Variants in AP3B1 observed in about 807,000 individuals in gnomAD.
AP3B1 encodes the protein adaptor related protein complex 3 subunit beta 1, also known as AP-3 complex subunit beta-1.
A neutral mutation model predicts 132.5 loss-of-function variants in AP3B1; 61 were observed. The ratio of observed to expected loss-of-function variants is 0.46; its 90% CI spans 0.37 to 0.57. The LOEUF is 0.57. Among genes scored for constraint, AP3B1 ranks in the 20% least tolerant of loss-of-function variants. The pLI is 0.00. For synonymous variants in AP3B1, 388 were observed against 438.3 expected (o/e 0.89, Z 1.43); for missense variants, 1,120 against 1,289.4 (o/e 0.87, Z 2.01).
At chr5:78,006,946 T>TA (rs914635102) in intron 26 of AP3B1, among the ~76,000 whole-genome samples, 1 of 151,890 alleles carries the variant, frequency 6.6e-6, no homozygotes, top group African/African-American at 2.4e-5. Context: ...CAAAGCTAAA[T>TA]AAAAAAAAGT....
intron 17 of AP3B1, among the ~76,000 whole-genome samples, chr5:78,122,737 G>A (rs1443999434): frequency 6.6e-6 from 1 of 152,164 alleles, no homozygotes; most frequent in Non-Finnish European, 1.5e-5. Flanking sequence ...CTCATGGGTA[G>A]GAAGAATCAA....
intron 22 of AP3B1, among the ~76,000 whole-genome samples, chr5:78,079,486 T>C (rs1182604740): frequency 3.3e-5 from 5 of 152,142 alleles, no homozygotes; most frequent in Admixed American, 2.6e-4. Flanking sequence ...AGTTCATTAA[T>C]TAAATAATTC....
chr5:78,269,139 T>C (rs10474536), intron 1 of AP3B1, among the ~76,000 whole-genome samples: 36,278 of 152,158 alleles, frequency 0.24, 5,160 homozygotes, highest in Non-Finnish European at 0.32. Context: ...TACTATTTTG[T>C]TAAATATCAA....
chr5:78,149,561 A>G (rs115349714), intron 14 of AP3B1, among the ~76,000 whole-genome samples: 271 of 152,306 alleles, frequency 1.8e-3, no homozygotes, highest in African/African-American at 6.0e-3. Flanking sequence ...TATTCCCTTA[A>G]TAACAGCTTA....
chr5:78,171,223 T>G (rs1466429235), intron 11 of AP3B1, among the ~76,000 whole-genome samples: 1 of 152,212 alleles, frequency 6.6e-6, no homozygotes, highest in Non-Finnish European at 1.5e-5. Context: ...GTGAGCTTTT[T>G]TTTGGTTCCA....
intron 17 of AP3B1, among the ~76,000 whole-genome samples, chr5:78,122,643 T>G (rs953970884): frequency 6.6e-6 from 1 of 152,222 alleles, no homozygotes; most frequent in East Asian, 1.9e-4. Context: ...TTACAAGGGA[T>G]GGGAAGGACC....
intron 11 of AP3B1, among the ~76,000 whole-genome samples, chr5:78,174,621 A>G (rs928813844): frequency 2.0e-5 from 3 of 152,162 alleles, no homozygotes; most frequent in Non-Finnish European, 4.4e-5. Flanking sequence ...GCAACCACCT[A>G]TATGAGGTGT....
At chr5:78,043,532 C>T in intron 22 of AP3B1, 1 of 397,582 alleles carries the variant, frequency 2.5e-6, no homozygotes, top group Non-Finnish European at 5.0e-6. Flanking sequence ...AGGCTATGAA[C>T]TGTAAGTGCT....
At chr5:78,125,646 T>C (rs939447012) in intron 17 of AP3B1, among the ~76,000 whole-genome samples, 11 of 152,198 alleles carry the variant, frequency 7.2e-5, no homozygotes, top group Non-Finnish European at 8.8e-5. Context: ...CAGAGTCCAA[T>C]AGACTGAAGC....
At position 78,193,936 on chromosome 5, in the gene AP3B1, T is replaced by C. The variant is rs1233441421; in HGVS notation, c.787-12274A>G. ...CACCCGGCTAATTTTTTCAGCTAAT[T>C]TTTTGTATTTTTAGTAGAGACGGGG... On this transcript the variant is annotated intron_variant, in intron 7 of 26. Coordinates refer to ENST00000255194, the MANE Select transcript of AP3B1 (RefSeq NM_003664.5). Among the ~76,000 whole-genome samples, 5 of 150,930 alleles carry C rather than the reference T, an allele frequency of 3.3e-5. No homozygotes were observed. In the Admixed American group the frequency reaches 3.3e-4, roughly 10 times the overall value.
chr5:78,174,707 T>A (rs576697252), intron 11 of AP3B1, among the ~76,000 whole-genome samples: 2 of 152,362 alleles, frequency 1.3e-5, no homozygotes, highest in African/African-American at 4.8e-5. Flanking sequence ...AGGCCATCTG[T>A]CTGTTCTCAG....
chr5:78,193,770 A>ATATTTTTTTTTTTTT, intron 7 of AP3B1, among the ~76,000 whole-genome samples: 25 of 67,204 alleles, frequency 3.7e-4, no homozygotes, highest in South Asian at 2.9e-3. Flanking sequence ...ATATATATAT[A>ATATTTTTTTTTTTTT]TTTTTTTTTT....
chr5:78,189,805 G>C (rs1744751835), intron 7 of AP3B1, among the ~76,000 whole-genome samples: 1 of 151,452 alleles, frequency 6.6e-6, no homozygotes, highest in Non-Finnish European at 1.5e-5. Flanking sequence ...GGGACACAGA[G>C]GTTGCAGTGA....
chr5:78,017,742 A>G (rs1746917182), intron 25 of AP3B1, among the ~76,000 whole-genome samples: 1 of 152,104 alleles, frequency 6.6e-6, no homozygotes, highest in Admixed American at 6.5e-5. Context: ...TTCCTCCTAA[A>G]AAATAATACT....
At chr5:78,020,977 T>C (rs541639415) in intron 24 of AP3B1, among the ~76,000 whole-genome samples, 188 bp from the exon 25 acceptor site, 12 of 152,064 alleles carry the variant, frequency 7.9e-5, no homozygotes, top group Non-Finnish European at 1.3e-4. Context: ...GAAAAATACA[T>C]CTGTTATCTC....
intron 2 of AP3B1, among the ~76,000 whole-genome samples, chr5:78,257,579 A>C (rs1042178841): frequency 2.0e-5 from 3 of 152,232 alleles, no homozygotes; most frequent in African/African-American, 7.2e-5. Context: ...CAATATTGTT[A>C]AAATGTCCCT....
chr5:78,150,387 T>G (rs777909051), intron 14 of AP3B1, among the ~76,000 whole-genome samples: 1 of 152,174 alleles, frequency 6.6e-6, no homozygotes, highest in Non-Finnish European at 1.5e-5. Context: ...CAGAAAAGTA[T>G]CCACTGGATT....
chr5:78,060,303 G>A (rs1289715271), intron 22 of AP3B1, among the ~76,000 whole-genome samples: 1 of 152,106 alleles, frequency 6.6e-6, no homozygotes, highest in Middle Eastern at 3.2e-3. Flanking sequence ...ACCAGTGAAC[G>A]CTTATGCAAT....
At position 78,188,108 on chromosome 5, in the gene AP3B1, A is replaced by G. The variant is rs559161339; in HGVS notation, c.787-6446T>C. On this transcript the variant is annotated intron_variant, in intron 7 of 26. Transcript: ENST00000255194. ...CAAGATGCATTAAAGACTTAAATGT[A>G]AAACCCAAAACTATAAAAACCCTAG... Among the ~76,000 whole-genome samples the G allele has an allele frequency of 7.9e-5, 12 of 152,312 alleles. 1 individual carries two copies. In the South Asian group the frequency reaches 1.7e-3, roughly 21 times the overall value.
Sources: allele counts gnomAD v4.1 joint callset (sites outside exome capture counted in the v4.1 genomes callset), GRCh38; gene constraint gnomAD v4.1.1; transcripts MANE v1.5; gene names NCBI Gene and HGNC (gene_info 2026-07-23, HGNC 2026-07-21).